The following SPICE1 variants were observed in gnomAD, a reference collection of about 807,000 sequenced individuals.
SPICE1 encodes spindle and centriole-associated protein 1.
In SPICE1, 75 loss-of-function variants were observed where a neutral mutation model predicts 102.7. The observed-to-expected ratio is 0.73, with a 90% CI of 0.61 to 0.88. The LOEUF (loss-of-function observed/expected upper bound fraction) is 0.88. Ranked by LOEUF, SPICE1 falls within the 40% of genes least tolerant of loss-of-function variation. The probability of loss-of-function intolerance (pLI) is 0.00; values close to 1 mark genes in which losing one functional copy is unlikely to be tolerated. For missense variants in SPICE1, 979 were observed against 1,020.1 expected (o/e 0.96, Z 0.55); for synonymous variants, 308 against 350.3 (o/e 0.88, Z 1.35).
chr3:113,456,311 TA>T (rs139307236), intron 13 of SPICE1, among the ~76,000 whole-genome samples: 37 of 141,400 alleles, frequency 2.6e-4, no homozygotes, highest in Non-Finnish European at 2.5e-4. Context: ...TGTGTAAAAA[TA>T]AAAAAAAAAA....
chr3:113,462,760 G>A (rs1353974256), intron 11 of SPICE1, among the ~76,000 whole-genome samples: 1 of 152,034 alleles, frequency 6.6e-6, no homozygotes. Context: ...CTAAGGGCAC[G>A]CGACCCAAGA....
intron 6 of SPICE1, among the ~76,000 whole-genome samples, chr3:113,491,101 G>C (rs1936753760): frequency 1.3e-5 from 2 of 152,258 alleles, no homozygotes; most frequent in African/African-American, 4.8e-5. Context: ...TCAGGACCTA[G>C]GTCCTACTTG....
Position 113,515,132 on chromosome 3 carries a change from G to C in SPICE1, c.-236C>G, listed in dbSNP as rs1010996393. On this transcript the variant is annotated 5_prime_UTR_variant, in exon 1 of 18. Transcript: ENST00000295872. Reference sequence around the variant, plus strand: ...CACCGCAGCTAAAACTTCAGGCGCCGGAACCGCGGAGCGCGCCACAGGTTA... The same window carrying C: ...CACCGCAGCTAAAACTTCAGGCGCCCGAACCGCGGAGCGCGCCACAGGTTA... 4 of 167,786 alleles carry C rather than the reference G, an allele frequency of 2.4e-5. No individual in the cohort carries two copies. The highest frequency in any genetic ancestry group is 1.9e-4 in the Admixed American group (3 of 15,802). 10.4% of individuals were successfully genotyped at this position (167,786 alleles called of 1,614,324 possible).
chr3:113,460,707 C>T lies in SPICE1; in HGVS notation c.1345G>A (p.Ala449Thr). 3 of 1,613,460 alleles carry T rather than the reference C, an allele frequency of 1.9e-6. No individual in the cohort carries two copies. The highest frequency in any genetic ancestry group is 2.5e-6 in the Non-Finnish European group (3 of 1,179,852). Residue 449 changes from alanine (A) to threonine (T), a missense_variant, in exon 12 of 18, where the codon GCT becomes ACT. Coordinates refer to ENST00000295872, the MANE Select transcript of SPICE1 (RefSeq NM_144718.4). ...TTTATCACAGGACAGTTCTTAATAG[C>T]ATGTGTGAGTGATATCAGTTGCTCA... is the stretch of plus-strand genomic sequence containing the variant. ...TDEQLISLTH[A>T]IKNCPVINNR... is the part of the protein sequence containing the mutation.
intron 8 of SPICE1, 83 bp downstream of exon 8, chr3:113,469,016 A>C: frequency 6.4e-7 from 1 of 1,563,726 alleles, no homozygotes; most frequent in Non-Finnish European, 8.7e-7. Context: ...CAAAACTCAA[A>C]TAACATTCCT....
At chr3:113,457,721 C>G (rs1409517643) in intron 12 of SPICE1, among the ~76,000 whole-genome samples, 1 of 152,130 alleles carries the variant, frequency 6.6e-6, no homozygotes, top group African/African-American at 2.4e-5. Context: ...TGCAGTGGAG[C>G]GATCTTGGCT....
intron 7 of SPICE1, among the ~76,000 whole-genome samples, chr3:113,469,489 CTAT>C (rs1354533744): frequency 2.8e-5 from 4 of 142,648 alleles, no homozygotes; most frequent in African/African-American, 1.0e-4. Context: ...AAAATATATT[CTAT>C]ATTACATGTA....
At chr3:113,459,009 A>C (rs578008374) in intron 12 of SPICE1, among the ~76,000 whole-genome samples, 20 of 152,308 alleles carry the variant, frequency 1.3e-4, no homozygotes, top group Middle Eastern at 6.8e-3. Context: ...AAGAGAGATC[A>C]GATTGTTACT....
intron 1 of SPICE1, chr3:113,514,504 T>C: frequency 2.6e-6 from 1 of 382,200 alleles, no homozygotes; most frequent in Middle Eastern, 3.7e-4. Flanking sequence ...GGCTGACTTT[T>C]CTTTCCAGTG....
At chr3:113,495,485 A>G (rs1429557723) in intron 4 of SPICE1, among the ~76,000 whole-genome samples, 1 of 152,212 alleles carries the variant, frequency 6.6e-6, no homozygotes, top group Non-Finnish European at 1.5e-5. Flanking sequence ...TTCCTTCTAC[A>G]AAGAGTAAGC....
chr3:113,456,615 G>A (rs902050060), intron 13 of SPICE1, among the ~76,000 whole-genome samples: 7 of 152,168 alleles, frequency 4.6e-5, no homozygotes, highest in African/African-American at 1.7e-4. Context: ...CCTGTGAGCT[G>A]CAAGAGTAAC....
intron 7 of SPICE1, among the ~76,000 whole-genome samples, chr3:113,471,677 C>T (rs1385967848): frequency 6.6e-6 from 1 of 152,072 alleles, no homozygotes; most frequent in African/African-American, 2.4e-5. Flanking sequence ...TATGTAAATA[C>T]TTCATGTTCT....
chr3:113,475,154 A>C (rs1936309636), intron 7 of SPICE1, among the ~76,000 whole-genome samples: 1 of 152,186 alleles, frequency 6.6e-6, no homozygotes, highest in Admixed American at 6.5e-5. Context: ...TACTACAAAC[A>C]CCTCTACGCA....
At chr3:113,498,729 T>C (rs972858793) in intron 4 of SPICE1, among the ~76,000 whole-genome samples, 15 of 152,220 alleles carry the variant, frequency 9.9e-5, no homozygotes, top group Non-Finnish European at 2.1e-4. Context: ...CTAAGTGCTG[T>C]ACATAAGCTT....
intron 1 of SPICE1, chr3:113,514,276 T>G: frequency 5.0e-6 from 1 of 198,492 alleles, no homozygotes; most frequent in South Asian, 7.4e-5. Context: ...AAGGGATAGT[T>G]ATGACTGGAC....
chr3:113,499,370 T>G, intron 4 of SPICE1, 69 bp downstream of exon 4: 1 of 1,506,552 alleles, frequency 6.6e-7, no homozygotes, highest in Non-Finnish European at 8.9e-7. Flanking sequence ...GTGAATCAAA[T>G]TGAAGAAAAA....
chr3:113,450,237 A>G, intron 15 of SPICE1, 99 bp downstream of exon 15: 1 of 1,408,560 alleles, frequency 7.1e-7, no homozygotes, highest in Middle Eastern at 1.8e-4. Context: ...ACCAAAATAT[A>G]TGCTCTGATA....
At chr3:113,488,235 G>T (rs1361012810) in intron 7 of SPICE1, among the ~76,000 whole-genome samples, 1 of 152,006 alleles carries the variant, frequency 6.6e-6, no homozygotes, top group African/African-American at 2.4e-5. Flanking sequence ...CTTTTTCTTG[G>T]GAACCACACA....
intron 4 of SPICE1, among the ~76,000 whole-genome samples, chr3:113,495,188 G>A (rs910372175): frequency 1.4e-4 from 21 of 152,186 alleles, no homozygotes; most frequent in African/African-American, 4.1e-4. Flanking sequence ...GTAAAAGCCA[G>A]ATAATTCTCT....
Sources: allele counts gnomAD v4.1 joint callset (sites outside exome capture counted in the v4.1 genomes callset), GRCh38; gene constraint gnomAD v4.1.1; transcripts MANE v1.5; gene names NCBI Gene and HGNC (gene_info 2026-07-23, HGNC 2026-07-21).